Variants in P4HA1 observed in about 807,000 individuals in gnomAD.
P4HA1 encodes the protein prolyl 4-hydroxylase subunit alpha 1, also known as prolyl 4-hydroxylase subunit alpha-1.
Under a neutral mutation model 72.8 loss-of-function variants are expected in P4HA1, and 24 were observed. That is an observed-to-expected ratio of 0.33 (90% CI 0.24 to 0.46). The LOEUF is 0.46. Among genes scored for constraint, P4HA1 ranks in the 20% least tolerant of loss-of-function variants. P4HA1 has a pLI of 1.00. For synonymous variants in P4HA1, 201 were observed against 218.8 expected, an observed-to-expected ratio of 0.92 and a Z score of 0.72; for missense variants, 446 against 640.6, an observed-to-expected ratio of 0.70 and a Z score of 3.28.
At chr10:73,057,124 C>A (rs1261758365) in intron 5 of P4HA1, among the ~76,000 whole-genome samples, 2 of 150,656 alleles carry the variant, frequency 1.3e-5, no homozygotes, top group Non-Finnish European at 1.5e-5. Flanking sequence ...GCAGAGAGAG[C>A]TGAATAAATT....
chr10:73,063,654 A>C lies in P4HA1; in HGVS notation c.463+5192T>G, dbSNP rs137931174. Among the ~76,000 whole-genome samples the C allele has an allele frequency of 4.8e-3, 731 of 152,330 alleles. 1 individual carries two copies. The highest frequency in any genetic ancestry group is 8.6e-3 in the Non-Finnish European group (588 of 68,028). On this transcript the variant is annotated intron_variant, in intron 5 of 14. Coordinates refer to ENST00000394890, the MANE Select transcript of P4HA1 (RefSeq NM_001017962.3). Reference sequence around the variant, plus strand: ...TTTCTCTTAGGGACATGCAAAACACATAAGATGACAGTATGCCATTAATCC... The same window carrying C: ...TTTCTCTTAGGGACATGCAAAACACCTAAGATGACAGTATGCCATTAATCC...
At chr10:73,085,486 C>A (rs1310614830) in intron 1 of P4HA1, among the ~76,000 whole-genome samples, 1 of 151,892 alleles carries the variant, frequency 6.6e-6, no homozygotes, top group Non-Finnish European at 1.5e-5. Flanking sequence ...TGGGTTCAAG[C>A]GATTCTCCTG....
At chr10:73,009,048 C>T (rs1258190841) in intron 14 of P4HA1, among the ~76,000 whole-genome samples, 1 of 152,112 alleles carries the variant, frequency 6.6e-6, no homozygotes, top group African/African-American at 2.4e-5. Flanking sequence ...CAGAAAACAG[C>T]TTTCTAAACT....
chr10:73,066,587 A>AGCTCACT (rs1255743020), intron 5 of P4HA1, among the ~76,000 whole-genome samples: 1 of 152,038 alleles, frequency 6.6e-6, no homozygotes, highest in African/African-American at 2.4e-5. Context: ...GCGTGATCAC[A>AGCTCACT]GCTCACTGCA....
In P4HA1 at chr10:73,072,054, A is replaced by AT; in HGVS notation, c.299dup (p.Asn100LysfsTer5). The AT allele has an allele frequency of 6.2e-7, 1 of 1,612,622 alleles. No homozygotes were observed. Among genetic ancestry groups the AT allele is most frequent in the South Asian group, 1.1e-5 (1 of 90,944 alleles). On this transcript the variant is annotated frameshift_variant, in exon 4 of 15. Transcript: ENST00000394890. LOFTEE classifies it high-confidence loss of function. ...CATCTGACATATCCTTAAGGACCAG[A>AT]TTCTCCAACTCACTCCACTCAGTAT...
At chr10:73,089,457 C>G (rs899096546) in intron 1 of P4HA1, among the ~76,000 whole-genome samples, 1 of 152,062 alleles carries the variant, frequency 6.6e-6, no homozygotes, top group African/African-American at 2.4e-5. Flanking sequence ...CTAGCTATTG[C>G]ACTCCTAGGC....
At chr10:73,068,299 G>T (rs1197434149) in intron 5 of P4HA1, among the ~76,000 whole-genome samples, 1 of 152,164 alleles carries the variant, frequency 6.6e-6, no homozygotes, top group East Asian at 1.9e-4. Flanking sequence ...ACAGGAGATA[G>T]TAGTGGTAAT....
rs1258271305 is a variant in P4HA1, at chr10:73,027,789, C to T, written c.1248+2482G>A. On this transcript the variant is annotated intron_variant, in intron 10 of 14. Transcript: ENST00000394890. ...GGAAGGAAGGAAGGAAGCAAGCAAA[C>T]ATGGAAGGAAGGAAATATGGAAGGA... Among the ~76,000 whole-genome samples the T allele has an allele frequency of 2.4e-5, 3 of 124,178 alleles. No individual in the cohort carries two copies. The East Asian group carries it at 7.2e-4, about 30-fold the overall frequency. The allele number at this position is 124,178 out of a possible 152,430, so 81.5% of individuals were successfully genotyped here.
intron 1 of P4HA1, among the ~76,000 whole-genome samples, chr10:73,077,723 G>A (rs1841731270): frequency 6.6e-6 from 1 of 151,834 alleles, no homozygotes; most frequent in African/African-American, 2.4e-5. Context: ...GTTCACACCT[G>A]TAATCCCAGT....
At chr10:73,060,931 A>T (rs1841297281) in intron 5 of P4HA1, among the ~76,000 whole-genome samples, 1 of 152,150 alleles carries the variant, frequency 6.6e-6, no homozygotes, top group South Asian at 2.1e-4. Flanking sequence ...TTATAGACTT[A>T]CCCTGCCTTT....
In P4HA1 at chr10:73,016,902, GAAGGA is replaced by G. The variant is rs1162263722; in HGVS notation, c.1249-8_1249-4del. On this transcript the variant is annotated splice_region_variant and splice_polypyrimidine_tract_variant and intron_variant, in intron 10 of 14. Transcript: ENST00000394890. ...CCTCCAACTCCATAATTTGCTACCTGAAGGAAAGACACAAAGCATGAAAGAAAAGA... is the reference window on the plus strand; with the variant it reads ...CCTCCAACTCCATAATTTGCTACCTGAAGACACAAAGCATGAAAGAAAAGA... 3 of 1,608,194 alleles carry G rather than the reference GAAGGA, an allele frequency of 1.9e-6. No individual in the cohort carries two copies. Among genetic ancestry groups the G allele is most frequent in the East Asian group, 4.5e-5 (2 of 44,780 alleles).
intron 1 of P4HA1, among the ~76,000 whole-genome samples, chr10:73,095,881 T>C (rs1039126618): frequency 1.3e-5 from 2 of 152,186 alleles, no homozygotes; most frequent in African/African-American, 2.4e-5. Context: ...CTCACAGTTA[T>C]CATACCATCC....
chr10:73,037,823 A>G (rs1840634565), intron 9 of P4HA1, among the ~76,000 whole-genome samples: 1 of 151,294 alleles, frequency 6.6e-6, no homozygotes, highest in South Asian at 2.1e-4. Flanking sequence ...AGTGTTGTTA[A>G]AAGTTATGCC....
chr10:73,033,376 T>C (rs548526006), intron 9 of P4HA1, among the ~76,000 whole-genome samples: 9 of 152,348 alleles, frequency 5.9e-5, no homozygotes, highest in Non-Finnish European at 1.2e-4. Flanking sequence ...TCTTTTCCTC[T>C]TGTACTTTGG....
At chr10:73,080,505 T>C (rs966670738) in intron 1 of P4HA1, among the ~76,000 whole-genome samples, 4 of 152,244 alleles carry the variant, frequency 2.6e-5, no homozygotes, top group Non-Finnish European at 5.9e-5. Flanking sequence ...TACAACTGAA[T>C]GTCTAATTAC....
chr10:73,077,239 A>G (rs1841717740), intron 1 of P4HA1, among the ~76,000 whole-genome samples: 1 of 152,252 alleles, frequency 6.6e-6, no homozygotes, highest in Non-Finnish European at 1.5e-5. Flanking sequence ...GATAAATGCT[A>G]TTTGCAGAAA....
intron 5 of P4HA1, among the ~76,000 whole-genome samples, chr10:73,055,096 T>C (rs371800604): frequency 3.9e-5 from 6 of 152,206 alleles, no homozygotes; most frequent in African/African-American, 1.2e-4. Context: ...AGCCAGACAT[T>C]GTGGTGCATA....
chr10:73,069,064 A>AC, intron 4 of P4HA1, 81 bp from the exon 5 acceptor site: 1 of 1,082,732 alleles, frequency 9.2e-7, no homozygotes, highest in Non-Finnish European at 1.4e-6. Context: ...GGATTGTTCA[A>AC]AATCTATTTT....
chr10:73,050,794 C>A (rs1841001776), intron 7 of P4HA1, among the ~76,000 whole-genome samples: 1 of 151,952 alleles, frequency 6.6e-6, no homozygotes, highest in African/African-American at 2.4e-5. Flanking sequence ...TGCCCCTGAA[C>A]TCCTGGTTCA....
Sources: allele counts gnomAD v4.1 joint callset (sites outside exome capture counted in the v4.1 genomes callset), GRCh38; gene constraint gnomAD v4.1.1; transcripts MANE v1.5; gene names NCBI Gene and HGNC (gene_info 2026-07-23, HGNC 2026-07-21).